The following ZNF483 variants were observed in gnomAD, a reference collection of about 807,000 sequenced individuals.
The protein encoded by ZNF483 is zinc finger protein HIT-10.
In ZNF483, 9 loss-of-function variants were observed where a neutral mutation model predicts 28.6. That is an observed-to-expected ratio of 0.32 (90% CI 0.19 to 0.55). The LOEUF is 0.55. Among genes scored for constraint, ZNF483 ranks in the 20% least tolerant of loss-of-function variants. The pLI is 0.93. For missense variants in ZNF483, 675 were observed against 871.7 expected (o/e 0.77, Z 2.84); for synonymous variants, 322 against 306.2 (o/e 1.05, Z -0.54).
chr9:111,544,169 G>A lies in ZNF483; in HGVS notation c.*999G>A, dbSNP rs1827747293. 1 of 985,454 alleles carries A rather than the reference G, an allele frequency of 1.0e-6. No individual in the cohort carries two copies. Among genetic ancestry groups the A allele is most frequent in the Non-Finnish European group, 1.2e-6 (1 of 829,988 alleles). The allele number at this position is 985,454 out of a possible 1,614,324, so 61.0% of individuals were successfully genotyped here. On this transcript the variant is annotated 3_prime_UTR_variant, in exon 6 of 6. Transcript: ENST00000309235. Reference sequence around the variant, plus strand: ...GTAACAGTCCTAGGAAAATAGATGGGGGCTGGGGGTAAGGAAATGTGCTGA... The same window carrying A: ...GTAACAGTCCTAGGAAAATAGATGGAGGCTGGGGGTAAGGAAATGTGCTGA...
At chr9:111,575,084 T>C (rs1829001992) in intron 5 of ZNF483, among the ~76,000 whole-genome samples, 1 of 152,178 alleles carries the variant, frequency 6.6e-6, no homozygotes, top group Admixed American at 6.5e-5. Flanking sequence ...GTGGATCACC[T>C]GAGGTCAGGC....
Position 111,548,542 on chromosome 9 carries a change from G to A in ZNF483, c.*5372G>A, listed in dbSNP as rs1034429816. Among the ~76,000 whole-genome samples, 4 of 152,076 alleles carry A rather than the reference G, an allele frequency of 2.6e-5. No homozygotes were observed. The highest frequency in any genetic ancestry group is 6.6e-5 in the Admixed American group (1 of 15,254). On this transcript the variant is annotated 3_prime_UTR_variant, in exon 6 of 6. Coordinates refer to ENST00000309235, the MANE Select transcript of ZNF483 (RefSeq NM_133464.5). ...TTGGGATTTTTAAATATAAGATTAT[G>A]GCATCTGCAAATAGATAATTTTTCC... is the stretch of plus-strand genomic sequence containing the variant.
At position 111,551,831 on chromosome 9, in the gene ZNF483, A is replaced by T. The variant is rs1827968869; in HGVS notation, c.*8661A>T. Among the ~76,000 whole-genome samples the T allele has an allele frequency of 6.6e-6, 1 of 152,240 alleles. No homozygotes were observed. Among genetic ancestry groups the T allele is most frequent in the African/African-American group, 2.4e-5 (1 of 41,460 alleles). On this transcript the variant is annotated 3_prime_UTR_variant, in exon 6 of 6. Transcript: ENST00000309235. ...ATTCAGTAACATATCAATTCAGTTT[A>T]TTAGCATCAAATTTGATGAAGCAGT...
At position 111,563,250 on chromosome 9, in the gene ZNF483, A is replaced by T. The variant is rs184556145; in HGVS notation, c.722-13115A>T. On this transcript the variant is annotated intron_variant, in intron 5 of 5. Coordinates refer to the ZNF483 transcript ENST00000358151. Reference sequence around the variant, plus strand: ...TTTTACCCTGTATCAAAGCAACAACAAATTTTAAAACTTAATTTAATATTC... The same window carrying T: ...TTTTACCCTGTATCAAAGCAACAACTAATTTTAAAACTTAATTTAATATTC... 503 of 1,602,076 alleles carry T rather than the reference A, an allele frequency of 3.1e-4. No homozygotes were observed. Among genetic ancestry groups the T allele is most frequent in the Non-Finnish European group, 3.9e-4 (453 of 1,173,068 alleles).
In ZNF483 at chr9:111,543,435, G is replaced by T. The variant is rs1827721655; in HGVS notation, c.*265G>T. 1.4e-5 allele frequency: 17 copies of T among 1,192,652 alleles called. No individual in the cohort carries two copies. The highest frequency in any genetic ancestry group is 1.7e-5 in the Non-Finnish European group (16 of 959,298). 73.9% of individuals were successfully genotyped at this position (1,192,652 alleles called of 1,614,324 possible). ...ATTGGAAAAGCTCTTTTCTTCAGGG[G>T]ATTTCTCTCTGATTTCTTCTACTAC... On this transcript the variant is annotated 3_prime_UTR_variant, in exon 6 of 6. Transcript: ENST00000309235.
Position 111,547,142 on chromosome 9 carries a change from A to G in ZNF483, c.*3972A>G, listed in dbSNP as rs1402586550. On this transcript the variant is annotated 3_prime_UTR_variant, in exon 6 of 6. Transcript: ENST00000309235. The stretch of plus-strand genomic sequence containing the variant: ...TTTGGCTATCAAGAATAACATTGCT[A>G]TAATCAGTGGTGCTTTCTGTTCTTT... 6.6e-6 allele frequency among the ~76,000 whole-genome samples: 1 copy of G among 152,160 alleles called. No homozygotes were observed. Among genetic ancestry groups the G allele is most frequent in the African/African-American group, 2.4e-5 (1 of 41,450 alleles).
chr9:111,533,296 C>G (rs1827395798), intron 3 of ZNF483, among the ~76,000 whole-genome samples: 1 of 152,172 alleles, frequency 6.6e-6, no homozygotes, highest in African/African-American at 2.4e-5. Flanking sequence ...TACCCTTGTT[C>G]TGAATCACTT....
intron 1 of ZNF483, among the ~76,000 whole-genome samples, chr9:111,526,197 T>C (rs530063299): frequency 1.3e-5 from 2 of 151,984 alleles, no homozygotes; most frequent in Non-Finnish European, 2.9e-5. Flanking sequence ...AAAAGTTTGG[T>C]AGGAGAAAGA....
Position 111,549,066 on chromosome 9 carries a change from GC to G in ZNF483, c.*5897del, listed in dbSNP as rs1185707448. On this transcript the variant is annotated 3_prime_UTR_variant, in exon 6 of 6. Coordinates refer to ENST00000309235, the MANE Select transcript of ZNF483 (RefSeq NM_133464.5). Reference sequence around the variant, plus strand: ...TGCTTGTTGCCATAGTTCAGAACCTGCACCACAAAGACCCTTCCAGTTCTGT... The same window carrying G: ...TGCTTGTTGCCATAGTTCAGAACCTGACCACAAAGACCCTTCCAGTTCTGT... 6.6e-6 allele frequency among the ~76,000 whole-genome samples: 1 copy of G among 152,080 alleles called. No homozygotes were observed. The highest frequency in any genetic ancestry group is 1.5e-5 in the Non-Finnish European group (1 of 68,012).
Position 111,570,071 on chromosome 9 carries a change from G to T in ZNF483, c.722-6294G>T, listed in dbSNP as rs748101500. 12 of 1,613,736 alleles carry T rather than the reference G, an allele frequency of 7.4e-6. No homozygotes were observed. The Admixed American group carries it at 1.8e-4, about 25-fold the overall frequency. On this transcript the variant is annotated intron_variant, in intron 5 of 5. Transcript: ENST00000358151. ...GTGACCTAGTGTACAATTGGAAGGG[G>T]TGGCTCCGGAGCTCCTTACCTCTAA...
At chr9:111,531,166 C>T (rs576902736) in intron 3 of ZNF483, among the ~76,000 whole-genome samples, 5 of 152,058 alleles carry the variant, frequency 3.3e-5, no homozygotes, top group African/African-American at 9.6e-5. Context: ...TGCTGCCTTC[C>T]AGCCTGGGCA....
At position 111,555,179 on chromosome 9, in the gene ZNF483, C is replaced by T. The variant is rs764303850; in HGVS notation, c.*12009C>T. Among the ~76,000 whole-genome samples, 12 of 152,102 alleles carry T rather than the reference C, an allele frequency of 7.9e-5. No homozygotes were observed. Among genetic ancestry groups the T allele is most frequent in the Non-Finnish European group, 1.5e-4 (10 of 68,026 alleles). On this transcript the variant is annotated 3_prime_UTR_variant, in exon 6 of 6. Transcript: ENST00000309235. ...TCTTATTTCCATCCTCCTCCAGGCC[C>T]AGGGTACCCAAGTTAATAGCCTATC...
intron 5 of ZNF483, among the ~76,000 whole-genome samples, chr9:111,570,902 G>A (rs1828789634): frequency 6.6e-6 from 1 of 152,180 alleles, no homozygotes; most frequent in Admixed American, 6.5e-5. Context: ...TTACAGTCAG[G>A]GACAGAATAT....
rs546674390 is a variant in ZNF483, at chr9:111,549,671, A to T, written c.*6501A>T. The T allele has an allele frequency of 6.7e-7, 1 of 1,492,892 alleles. No individual in the cohort carries two copies. The highest frequency in any genetic ancestry group is 9.0e-7 in the Non-Finnish European group (1 of 1,105,300). The allele number at this position is 1,492,892 out of a possible 1,614,324, so 92.5% of individuals were successfully genotyped here. On this transcript the variant is annotated 3_prime_UTR_variant, in exon 6 of 6. Coordinates refer to ENST00000309235, the MANE Select transcript of ZNF483 (RefSeq NM_133464.5). ...GGTGGCAGCGGCAGCAGGGTTCCCCATTGATTTTCTAAATGTTTGTAGTCC... is the reference window on the plus strand; with the variant it reads ...GGTGGCAGCGGCAGCAGGGTTCCCCTTTGATTTTCTAAATGTTTGTAGTCC...
intron 5 of ZNF483, among the ~76,000 whole-genome samples, chr9:111,560,497 C>G (rs1395054918): frequency 6.8e-6 from 1 of 147,600 alleles, no homozygotes; most frequent in Non-Finnish European, 1.5e-5. Context: ...AAAGATCAGC[C>G]GGGCATGGTG....
rs1348175775 is a variant in ZNF483, at chr9:111,527,820, G to T, written c.412+13G>T. 6.2e-7 allele frequency: 1 copy of T among 1,614,158 alleles called. No homozygotes were observed. Reference sequence around the variant, plus strand: ...CTTGAAGAAAAAGGTGAGATTTATAGATGGAGGGAGGAAGCGGGAGACATT... The same window carrying T: ...CTTGAAGAAAAAGGTGAGATTTATATATGGAGGGAGGAAGCGGGAGACATT... On this transcript the variant is annotated intron_variant, in intron 2 of 5. Coordinates refer to ENST00000309235, the MANE Select transcript of ZNF483 (RefSeq NM_133464.5).
chr9:111,529,483 T>G (rs994204244), intron 2 of ZNF483, among the ~76,000 whole-genome samples: 1 of 152,212 alleles, frequency 6.6e-6, no homozygotes, highest in African/African-American at 2.4e-5. Flanking sequence ...CTTCTCTGTC[T>G]TAAGGAATCT....
chr9:111,532,096 C>T (rs1827362222), intron 3 of ZNF483, among the ~76,000 whole-genome samples: 1 of 152,120 alleles, frequency 6.6e-6, no homozygotes, highest in Admixed American at 6.5e-5. Flanking sequence ...ATTGCTTGAG[C>T]CTGGGAGTTC....
intron 5 of ZNF483, chr9:111,576,258 G>A (rs1829049565): frequency 1.8e-6 from 2 of 1,103,030 alleles, no homozygotes; most frequent in Admixed American, 1.9e-5. Context: ...TATAGAGTTG[G>A]TCCTCATTAT....
Sources: gnomAD v4.1 joint callset for allele counts (sites outside exome capture counted in the v4.1 genomes callset) on GRCh38, gnomAD v4.1.1 for gene constraint, MANE v1.5 for transcripts, NCBI Gene and HGNC (gene_info 2026-07-23, HGNC 2026-07-21) for gene names.